TDP1: variants seen among roughly 807,000 people sequenced by gnomAD.
The protein encoded by TDP1 is tyrosyl-DNA phosphodiesterase 1, also known as tyr-DNA phosphodiesterase 1.
Under a neutral mutation model 81.5 loss-of-function variants are expected in TDP1, and 64 were observed. That is an observed-to-expected ratio of 0.79 (90% CI 0.64 to 0.97). The LOEUF (loss-of-function observed/expected upper bound fraction) is 0.97. TDP1 is among the 50% of genes least tolerant of loss of function. The pLI is 0.00. For missense variants in TDP1, 723 were observed against 743.8 expected (o/e 0.97, Z 0.33); for synonymous variants, 256 against 264.3 (o/e 0.97, Z 0.30).
intron 6 of TDP1, among the ~76,000 whole-genome samples, chr14:89,973,706 G>A (rs10143315): frequency 0.09 from 13,710 of 151,964 alleles, 1,366 homozygotes; most frequent in African/African-American, 0.24. Context: ...GCTCAGTCCC[G>A]GCTCTACGTG....
chr14:89,969,054 A>G (rs1315192768), intron 5 of TDP1, among the ~76,000 whole-genome samples: 1 of 152,202 alleles, frequency 6.6e-6, no homozygotes, highest in African/African-American at 2.4e-5. Flanking sequence ...TTTACAAGCC[A>G]AGCTCCTAGA....
chr14:90,022,797 C>CTTGA, intron 15 of TDP1: 1 of 983,838 alleles, frequency 1.0e-6, no homozygotes, highest in Admixed American at 6.1e-5. Flanking sequence ...TGGTTTTGAC[C>CTTGA]TTGAGGATGA....
intron 15 of TDP1, among the ~76,000 whole-genome samples, chr14:90,027,587 GTA>G (rs1399645524): frequency 6.6e-6 from 1 of 152,194 alleles, no homozygotes; most frequent in Non-Finnish European, 1.5e-5. Flanking sequence ...AGACTCTGAA[GTA>G]ACTTGGTAAG....
chr14:90,006,537 G>C (rs1317344104), intron 14 of TDP1, among the ~76,000 whole-genome samples: 1 of 151,754 alleles, frequency 6.6e-6, no homozygotes, highest in Non-Finnish European at 1.5e-5. Context: ...ATGCCACCAT[G>C]CCTAGCTAAT....
chr14:89,972,942 C>CT (rs1189001107), intron 6 of TDP1, among the ~76,000 whole-genome samples: 3 of 151,986 alleles, frequency 2.0e-5, no homozygotes, highest in African/African-American at 4.8e-5. Flanking sequence ...CTTCTAGTGT[C>CT]TTTTTTCCCC....
chr14:89,956,580 T>G lies in TDP1; in HGVS notation c.-228T>G, dbSNP rs1476152142. ...TGTCTTCAACCCATTCTCCGCAGAG[T>G]TGGAGCACACAGCTGTATTAAAAAG... On this transcript the variant is annotated splice_region_variant and 5_prime_UTR_variant, in exon 2 of 17. Coordinates refer to ENST00000335725, the MANE Select transcript of TDP1 (RefSeq NM_018319.4). 1 of 152,162 alleles carries G rather than the reference T, an allele frequency of 6.6e-6. No homozygotes were observed. The highest frequency in any genetic ancestry group is 1.5e-5 in the Non-Finnish European group (1 of 68,108). The allele number at this position is 152,162 out of a possible 1,614,324, so 9.4% of individuals were successfully genotyped here. A position where few individuals can be genotyped will look rare whatever the true frequency, so the allele number is the denominator to read the frequency against.
intron 14 of TDP1, among the ~76,000 whole-genome samples, chr14:90,008,119 C>T (rs1884261814): frequency 1.3e-5 from 2 of 152,162 alleles, no homozygotes; most frequent in Admixed American, 6.5e-5. Flanking sequence ...TATTTCTTCA[C>T]TCTAAAGAAC....
intron 15 of TDP1, among the ~76,000 whole-genome samples, chr14:90,026,475 T>C (rs1886667849): frequency 6.6e-6 from 1 of 152,242 alleles, no homozygotes; most frequent in Non-Finnish European, 1.5e-5. Context: ...TTTTTTATTA[T>C]TATACTTTAA....
chr14:90,030,806 C>T (rs900377850), intron 15 of TDP1, among the ~76,000 whole-genome samples: 4 of 151,602 alleles, frequency 2.6e-5, no homozygotes, highest in Non-Finnish European at 5.9e-5. Context: ...CACTCTGTCA[C>T]CTAGCCTGGA....
At chr14:89,999,139 G>A (rs529885616) in intron 14 of TDP1, among the ~76,000 whole-genome samples, 2 of 152,246 alleles carry the variant, frequency 1.3e-5, no homozygotes, top group Admixed American at 6.5e-5. Flanking sequence ...ATTGTCCCAT[G>A]CATTATAAGT....
intron 6 of TDP1, among the ~76,000 whole-genome samples, chr14:89,972,601 C>T (rs1893795767): frequency 6.6e-6 from 1 of 152,202 alleles, no homozygotes; most frequent in Non-Finnish European, 1.5e-5. Flanking sequence ...TTTCTTTAGA[C>T]TCATCATCTA....
intron 11 of TDP1, chr14:89,989,436 T>C: frequency 3.1e-6 from 3 of 983,482 alleles, no homozygotes; most frequent in Non-Finnish European, 3.6e-6. Context: ...ATTTTAATTA[T>C]TTAGAGAACT....
At chr14:90,028,089 C>T (rs1566924457) in intron 15 of TDP1, among the ~76,000 whole-genome samples, 1 of 152,228 alleles carries the variant, frequency 6.6e-6, no homozygotes. Flanking sequence ...ACCCATCCTT[C>T]AAAATCCTGT....
chr14:89,966,744 G>A (rs547399426), intron 4 of TDP1, among the ~76,000 whole-genome samples: 3 of 152,178 alleles, frequency 2.0e-5, no homozygotes, highest in African/African-American at 4.8e-5. Flanking sequence ...GAAAGTCCTG[G>A]TTTCCATTTG....
At chr14:89,999,953 C>T (rs1188439042) in intron 14 of TDP1, among the ~76,000 whole-genome samples, 6 of 152,156 alleles carry the variant, frequency 3.9e-5, no homozygotes, top group Admixed American at 3.3e-4. Flanking sequence ...TCATGGTTCC[C>T]GTGGGTCAGG....
intron 2 of TDP1, among the ~76,000 whole-genome samples, chr14:89,960,175 C>T (rs1892158598): frequency 6.6e-6 from 1 of 152,156 alleles, no homozygotes; most frequent in South Asian, 2.1e-4. Context: ...GAAACTGTAG[C>T]CACTGAAATA....
intron 15 of TDP1, among the ~76,000 whole-genome samples, chr14:90,031,605 C>T (rs1230741843): frequency 3.3e-5 from 5 of 151,348 alleles, no homozygotes; most frequent in Non-Finnish European, 5.9e-5. Context: ...TGCAGTGAGC[C>T]GAGATCACAC....
At chr14:90,026,363 G>A (rs1886652352) in intron 15 of TDP1, among the ~76,000 whole-genome samples, 1 of 152,250 alleles carries the variant, frequency 6.6e-6, no homozygotes, top group Admixed American at 6.5e-5. Flanking sequence ...ACCTGCTGAT[G>A]TTCTCGCATC....
At chr14:89,967,820 G>C (rs1013861590) in intron 5 of TDP1, among the ~76,000 whole-genome samples, 11 of 152,136 alleles carry the variant, frequency 7.2e-5, no homozygotes, top group African/African-American at 2.4e-4. Context: ...ATCCCTTTGT[G>C]TTTCTGAGAT....
Sources: gnomAD v4.1 joint callset for allele counts (sites outside exome capture counted in the v4.1 genomes callset) on GRCh38, gnomAD v4.1.1 for gene constraint, MANE v1.5 for transcripts, NCBI Gene and HGNC (gene_info 2026-07-23, HGNC 2026-07-21) for gene names.